Variants in CD28 observed in about 807,000 individuals in gnomAD.
The protein encoded by CD28 is T-cell-specific surface glycoprotein CD28.
CD28 carries 8 observed loss-of-function variants against 21.4 expected under a neutral mutation model. The observed-to-expected ratio is 0.37, with a 90% CI of 0.22 to 0.68. The LOEUF (loss-of-function observed/expected upper bound fraction) is 0.68. CD28 is among the 30% of genes least tolerant of loss of function. The pLI is 0.55. For missense variants in CD28, 239 were observed against 272.2 expected, an observed-to-expected ratio of 0.88 and a Z score of 0.86; for synonymous variants, 106 against 104.0, an observed-to-expected ratio of 1.02 and a Z score of -0.12.
chr2:203,721,529 C>G (rs1449053130), intron 1 of CD28, among the ~76,000 whole-genome samples: 2 of 152,040 alleles, frequency 1.3e-5, no homozygotes, highest in Non-Finnish European at 2.9e-5. Flanking sequence ...AGTCCCCTAA[C>G]TCACCCCAGC....
chr2:203,706,636 C>T, upstream of CD28: 2 of 1,613,660 alleles, frequency 1.2e-6, no homozygotes, highest in Non-Finnish European at 1.7e-6. Flanking sequence ...TTCAGTTCCC[C>T]TCACACTTCG....
chr2:203,736,713 T>C lies in CD28; in HGVS notation c.*1801T>C, dbSNP rs1024161884. On this transcript the variant is annotated 3_prime_UTR_variant, in exon 4 of 4. Transcript: ENST00000324106. Reference sequence around the variant, plus strand: ...GGTTTTAGAGGCACGTAGACTTGGTTCAAGTCTCGTTAGTAGTTGAATAGC... The same window carrying C: ...GGTTTTAGAGGCACGTAGACTTGGTCCAAGTCTCGTTAGTAGTTGAATAGC... The C allele has an allele frequency of 6.6e-6, 1 of 152,164 alleles. No individual in the cohort carries two copies. The highest frequency in any genetic ancestry group is 2.4e-5 in the African/African-American group (1 of 41,440). The allele number at this position is 152,164 out of a possible 1,614,324, so 9.4% of individuals were successfully genotyped here.
Position 203,726,741 on chromosome 2 carries a change from C to A in CD28, c.161C>A (p.Ser54Tyr), listed in dbSNP as rs1457896779. Reference sequence around the variant, plus strand: ...CTCTTCTCAAGGGAGTTCCGGGCATCCCTTCACAAAGGACTGGATAGTGCT... The same window carrying A: ...CTCTTCTCAAGGGAGTTCCGGGCATACCTTCACAAAGGACTGGATAGTGCT... ...YNLFSREFRA[S>Y]LHKGLDSAVE... The change falls in exon 2 of 4, where the codon TCC becomes TAC. Residue 54 changes from serine to tyrosine, a missense_variant. Ser to Tyr is a moderately radical substitution (Grantham distance 144). Transcript: ENST00000324106. 2 of 1,614,082 alleles carry A rather than the reference C, an allele frequency of 1.2e-6. No individual in the cohort carries two copies. Among genetic ancestry groups the A allele is most frequent in the South Asian group, 1.1e-5 (1 of 91,074 alleles).
rs1034378602 is a variant in CD28, at chr2:203,737,441, A to G, written c.*2529A>G. The G allele has an allele frequency of 6.6e-6, 1 of 152,316 alleles. No individual in the cohort carries two copies. The highest frequency in any genetic ancestry group is 6.5e-5 in the Admixed American group (1 of 15,280). The allele number at this position is 152,316 out of a possible 1,614,324, so 9.4% of individuals were successfully genotyped here. On this transcript the variant is annotated 3_prime_UTR_variant, in exon 4 of 4. Transcript: ENST00000324106. ...CAAATAAATAAATACTTTTTTTTAA[A>G]TGGAAAGACTTGATCTATGGTAATA...
At chr2:203,713,852 GGAGAGA>G (rs57737764) in intron 1 of CD28, among the ~76,000 whole-genome samples, 59 of 141,718 alleles carry the variant, frequency 4.2e-4, no homozygotes, top group Admixed American at 7.7e-4. Context: ...AGAGAGAGAG[GGAGAGA>G]GAGAGAGAGA....
intron 1 of CD28, among the ~76,000 whole-genome samples, chr2:203,715,251 A>G (rs541074138): frequency 6.6e-6 from 1 of 152,280 alleles, no homozygotes; most frequent in African/African-American, 2.4e-5. Flanking sequence ...ATAATAATAT[A>G]TATGTACAGA....
intron 3 of CD28, among the ~76,000 whole-genome samples, chr2:203,731,632 C>CA (rs1198448643): frequency 6.6e-6 from 1 of 152,110 alleles, no homozygotes; most frequent in Non-Finnish European, 1.5e-5. Flanking sequence ...ATTAGAATGT[C>CA]AGTTACTATA....
chr2:203,723,629 C>A (rs1693664723), intron 1 of CD28, among the ~76,000 whole-genome samples: 1 of 152,012 alleles, frequency 6.6e-6, no homozygotes, highest in Admixed American at 6.5e-5. Context: ...GGCTAATAAG[C>A]ACATGAAAAG....
At chr2:203,724,756 A>C (rs554468379) in intron 1 of CD28, among the ~76,000 whole-genome samples, 17 of 152,274 alleles carry the variant, frequency 1.1e-4, no homozygotes, top group African/African-American at 3.4e-4. Context: ...TTCTTACCAA[A>C]ACCAAAACAA....
At position 203,706,647 on chromosome 2, in the gene CD28, G is replaced by C. The variant is rs1005217252; in HGVS notation, c.-50G>C. On this transcript the variant is annotated 5_prime_UTR_variant, in exon 1 of 4. Transcript: ENST00000324106. ...GTCTTTCAGTTCCCCTCACACTTCG[G>C]GTTCCTCGGGGAGGAGGGGCTGGAA... is the stretch of plus-strand genomic sequence containing the variant. 6.2e-7 allele frequency: 1 copy of C among 1,613,938 alleles called. No homozygotes were observed. The highest frequency in any genetic ancestry group is 1.3e-5 in the African/African-American group (1 of 75,010).
intron 1 of CD28, among the ~76,000 whole-genome samples, chr2:203,723,885 G>T (rs975948037): frequency 6.6e-6 from 1 of 152,170 alleles, no homozygotes; most frequent in Admixed American, 6.5e-5. Context: ...CAATTTTACT[G>T]CTGGCAAATA....
At chr2:203,719,823 G>C (rs1693558716) in intron 1 of CD28, among the ~76,000 whole-genome samples, 1 of 152,036 alleles carries the variant, frequency 6.6e-6, no homozygotes, top group Non-Finnish European at 1.5e-5. Context: ...CATTTTCTTT[G>C]GAAATCTAAG....
At chr2:203,734,616 CAGT>C (rs1224214092) in intron 3 of CD28, among the ~76,000 whole-genome samples, 165 bp from the exon 4 acceptor site, 1 of 152,166 alleles carries the variant, frequency 6.6e-6, no homozygotes, top group Non-Finnish European at 1.5e-5. Context: ...TGTGAAGAGT[CAGT>C]AGTTGGGTGT....
chr2:203,733,486 G>A (rs1693951009), intron 3 of CD28, among the ~76,000 whole-genome samples: 1 of 152,132 alleles, frequency 6.6e-6, no homozygotes, highest in Non-Finnish European at 1.5e-5. Flanking sequence ...AGTTTAGAGT[G>A]GCTTTGAGGT....
At chr2:203,722,431 A>G (rs868732210) in intron 1 of CD28, among the ~76,000 whole-genome samples, 2 of 152,392 alleles carry the variant, frequency 1.3e-5, no homozygotes, top group South Asian at 2.1e-4. Context: ...TTTGTGGAAC[A>G]AATAATAGGT....
chr2:203,734,779 TGCAGGTGAGGAGTAAGAGGA>T lies in CD28; in HGVS notation c.536_555del (p.Val179AlafsTer5). Reference sequence around the variant, plus strand: ...CCTCCATACTGACACTTCTCTTTCCTGCAGGTGAGGAGTAAGAGGAGCAGGCTCCTGCACAGTGACTACAT... The same window carrying T: ...CCTCCATACTGACACTTCTCTTTCCTGCAGGCTCCTGCACAGTGACTACAT... On this transcript the variant is annotated splice_acceptor_variant and splice_polypyrimidine_tract_variant and coding_sequence_variant and intron_variant, in exon 4 of 4. Transcript: ENST00000324106. LOFTEE classifies it high-confidence loss of function. 1 of 1,614,196 alleles carries T rather than the reference TGCAGGTGAGGAGTAAGAGGA, an allele frequency of 6.2e-7. No individual in the cohort carries two copies.
rs199549636 is a variant in CD28, at chr2:203,734,857, G to T, written c.608G>T (p.Arg203Leu). Residue 203 changes from arginine to leucine, a missense_variant, in exon 4 of 4, where the codon CGC becomes CTC. Physicochemically the swap from Arg to Leu is moderately radical, Grantham distance 102 (BLOSUM62 -2). Transcript: ENST00000324106. Reference sequence around the variant, plus strand: ...ACTCCCCGCCGCCCCGGGCCCACCCGCAAGCATTACCAGCCCTATGCCCCA... The same window carrying T: ...ACTCCCCGCCGCCCCGGGCCCACCCTCAAGCATTACCAGCCCTATGCCCCA... ...NMTPRRPGPTRKHYQPYAPPR... is the reference protein window; with the variant it reads ...NMTPRRPGPTLKHYQPYAPPR... The T allele has an allele frequency of 2.5e-6, 4 of 1,614,144 alleles. No homozygotes were observed. Among genetic ancestry groups the T allele is most frequent in the Non-Finnish European group, 3.4e-6 (4 of 1,180,026 alleles).
At position 203,737,976 on chromosome 2, in the gene CD28, A is replaced by T. The variant is rs1694082085; in HGVS notation, c.*3064A>T. ...GAGGTGTGGGGTAAATCCTTGTATA[A>T]ATCTCCAGTTTAGCCTTTTTTGAAA... On this transcript the variant is annotated 3_prime_UTR_variant, in exon 4 of 4. Coordinates refer to ENST00000324106, the MANE Select transcript of CD28 (RefSeq NM_006139.4). 6.6e-6 allele frequency: 1 copy of T among 152,212 alleles called. No individual in the cohort carries two copies. Among genetic ancestry groups the T allele is most frequent in the Admixed American group, 6.5e-5 (1 of 15,280 alleles). The allele number at this position is 152,212 out of a possible 1,614,324, so 9.4% of individuals were successfully genotyped here.
intron 2 of CD28, 40 bp downstream of exon 2, chr2:203,727,029 G>C: frequency 7.8e-7 from 1 of 1,286,160 alleles, no homozygotes. Context: ...CTAAAGTAAT[G>C]GTTTTCAAAT....
Sources: gnomAD v4.1 joint callset for allele counts (sites outside exome capture counted in the v4.1 genomes callset) on GRCh38, gnomAD v4.1.1 for gene constraint, MANE v1.5 for transcripts, NCBI Gene and HGNC (gene_info 2026-07-23, HGNC 2026-07-21) for gene names.